The following TOGARAM2 variants were observed in gnomAD, a reference collection of about 807,000 sequenced individuals.
The protein encoded by TOGARAM2 is TOG array regulator of axonemal microtubules 2.
In TOGARAM2, 85 loss-of-function variants were observed where a neutral mutation model predicts 93.3. The ratio of observed to expected loss-of-function variants is 0.91; its 90% CI spans 0.76 to 1.09. TOGARAM2 has a LOEUF of 1.09. Ranked by LOEUF, TOGARAM2 falls within the 50% of genes least tolerant of loss-of-function variation. The probability of loss-of-function intolerance (pLI) is 0.00; values close to 1 mark genes in which losing one functional copy is unlikely to be tolerated. For synonymous variants in TOGARAM2, 593 were observed against 552.8 expected, an observed-to-expected ratio of 1.07 and a Z score of -1.02; for missense variants, 1,277 against 1,334.5, an observed-to-expected ratio of 0.96 and a Z score of 0.67.
chr2:28,987,314 G>A (rs1202398211), intron 1 of TOGARAM2, among the ~76,000 whole-genome samples: 2 of 152,132 alleles, frequency 1.3e-5, no homozygotes, highest in Admixed American at 1.3e-4. Flanking sequence ...TTATGAGACG[G>A]AGTCTTGCTT....
chr2:28,957,684 G>C (rs963025774), intron 1 of TOGARAM2, among the ~76,000 whole-genome samples: 1 of 152,072 alleles, frequency 6.6e-6, no homozygotes, highest in African/African-American at 2.4e-5. Flanking sequence ...CATTGATAAG[G>C]TTTGTTCACA....
intron 14 of TOGARAM2, among the ~76,000 whole-genome samples, chr2:29,027,447 A>AT (rs1220335012): frequency 6.6e-6 from 1 of 152,136 alleles, no homozygotes; most frequent in Non-Finnish European, 1.5e-5. Context: ...AATTATGGTA[A>AT]TTTTAGATAC....
chr2:28,978,736 C>T (rs1247479431), upstream of TOGARAM2, among the ~76,000 whole-genome samples: 1 of 152,154 alleles, frequency 6.6e-6, no homozygotes, highest in East Asian at 1.9e-4. Context: ...AATTCATTCA[C>T]ATCAAGTATT....
At chr2:29,034,792 A>G (rs1301612476) in intron 16 of TOGARAM2, among the ~76,000 whole-genome samples, 3 of 152,070 alleles carry the variant, frequency 2.0e-5, no homozygotes, top group Non-Finnish European at 1.5e-5. Context: ...AGGGATCAGG[A>G]TATAGGAGCT....
At chr2:28,976,435 T>A (rs1478180621), upstream of TOGARAM2, among the ~76,000 whole-genome samples, 1 of 152,012 alleles carries the variant, frequency 6.6e-6, no homozygotes, top group Non-Finnish European at 1.5e-5. Context: ...GCTTCTGGAG[T>A]TATTTACTCA....
intron 1 of TOGARAM2, among the ~76,000 whole-genome samples, chr2:28,959,560 T>C (rs1671773767): frequency 6.6e-6 from 1 of 152,128 alleles, no homozygotes; most frequent in Non-Finnish European, 1.5e-5. Context: ...ATGACCATCC[T>C]GGCTAACATG....
chr2:29,022,492 A>C (rs1476676481), intron 11 of TOGARAM2, among the ~76,000 whole-genome samples, 184 bp downstream of exon 11: 1 of 152,182 alleles, frequency 6.6e-6, no homozygotes, highest in Non-Finnish European at 1.5e-5. Context: ...GCGTGTGTGC[A>C]TGAGTGTGTG....
intron 8 of TOGARAM2, among the ~76,000 whole-genome samples, chr2:29,015,254 ACAATGATT>A (rs1444042821): frequency 2.6e-5 from 4 of 152,148 alleles, no homozygotes; most frequent in African/African-American, 9.7e-5. Context: ...GGAAACACAA[ACAATGATT>A]CAGTGCAGCG....
intron 1 of TOGARAM2, among the ~76,000 whole-genome samples, chr2:28,968,837 A>C (rs1311158812): frequency 1.5e-5 from 2 of 130,260 alleles, no homozygotes; most frequent in Non-Finnish European, 3.4e-5. Context: ...AAAAAAAAAA[A>C]AAACAAGGAA....
At chr2:28,986,716 G>C (rs79019527) in intron 1 of TOGARAM2, among the ~76,000 whole-genome samples, 1,751 of 152,176 alleles carry the variant, frequency 0.012, 33 homozygotes, top group African/African-American at 0.04. Context: ...GTAGCTTCTT[G>C]GCCCAAAGGC....
chr2:28,998,214 C>T lies in TOGARAM2; in HGVS notation c.100C>T (p.Pro34Ser), dbSNP rs570629655. The T allele has an allele frequency of 6.2e-7, 1 of 1,612,408 alleles. No individual in the cohort carries two copies. Among genetic ancestry groups the T allele is most frequent in the East Asian group, 2.2e-5 (1 of 44,808 alleles). ...PRTSAGPRVL[P>S]PGSINSSLPH... is the part of the protein sequence containing the mutation. Reference sequence around the variant, plus strand: ...GACCAGTGCTGGGCCCCGGGTGCTCCCGCCTGGAAGCATCAACTCCAGTCT... The same window carrying T: ...GACCAGTGCTGGGCCCCGGGTGCTCTCGCCTGGAAGCATCAACTCCAGTCT... Residue 34 changes from proline to serine, a missense_variant, in exon 3 of 20, where the codon CCG becomes TCG. Coordinates refer to ENST00000379558, the MANE Select transcript of TOGARAM2 (RefSeq NM_199280.4).
intron 14 of TOGARAM2, chr2:29,032,730 T>G: frequency 2.0e-6 from 1 of 509,854 alleles, no homozygotes; most frequent in Non-Finnish European, 3.4e-6. Context: ...TATGTAAAAA[T>G]TTAATAGGGA....
intron 19 of TOGARAM2, 173 bp from the exon 20 acceptor site, chr2:29,051,583 A>T: frequency 1.9e-6 from 1 of 527,720 alleles, no homozygotes; most frequent in Non-Finnish European, 3.3e-6. Context: ...ATTTTCTACT[A>T]ATGTTAAAAG....
intron 8 of TOGARAM2, 117 bp downstream of exon 8, chr2:29,014,678 G>C: frequency 7.4e-7 from 1 of 1,357,578 alleles, no homozygotes; most frequent in Non-Finnish European, 9.8e-7. Context: ...AGAGCAAGGA[G>C]AGCCCGAGGC....
intron 1 of TOGARAM2, among the ~76,000 whole-genome samples, chr2:28,962,749 T>G: frequency 1.6e-5 from 2 of 127,324 alleles, no homozygotes; most frequent in Non-Finnish European, 3.3e-5. Flanking sequence ...TTCCCTTCCC[T>G]TCCCTCCCCT....
At chr2:28,985,248 T>C (rs1672413446) in intron 1 of TOGARAM2, among the ~76,000 whole-genome samples, 1 of 152,018 alleles carries the variant, frequency 6.6e-6, no homozygotes, top group African/African-American at 2.4e-5. Flanking sequence ...CTACCTGCAA[T>C]CCAGGAAGTG....
chr2:28,977,079 G>C (rs931616600), upstream of TOGARAM2, among the ~76,000 whole-genome samples: 1 of 152,330 alleles, frequency 6.6e-6, no homozygotes, highest in East Asian at 1.9e-4. Context: ...CTGGGCCAGG[G>C]CCCAGGACAC....
At chr2:28,977,048 C>T (rs542844448), upstream of TOGARAM2, among the ~76,000 whole-genome samples, 5 of 152,316 alleles carry the variant, frequency 3.3e-5, 1 homozygote, top group East Asian at 9.7e-4. Context: ...GGATGGGGGG[C>T]TTCCAGCCTT....
At chr2:28,962,029 A>G (rs1286612199) in intron 1 of TOGARAM2, among the ~76,000 whole-genome samples, 1 of 152,218 alleles carries the variant, frequency 6.6e-6, no homozygotes, top group African/African-American at 2.4e-5. Context: ...GACTATAGTC[A>G]GAAGGGAAGT....
Sources: allele counts gnomAD v4.1 joint callset (sites outside exome capture counted in the v4.1 genomes callset), GRCh38; gene constraint gnomAD v4.1.1; transcripts MANE v1.5; gene names NCBI Gene and HGNC (gene_info 2026-07-23, HGNC 2026-07-21).